FYB1: variants seen among roughly 807,000 people sequenced by gnomAD.
FYB1 encodes the protein FYN-binding protein 1.
In FYB1, 41 loss-of-function variants were observed where a neutral mutation model predicts 94.1. That is an observed-to-expected ratio of 0.44 (90% CI 0.34 to 0.57). FYB1 has a LOEUF of 0.57. FYB1 is among the 20% of genes least tolerant of loss of function. The pLI is 0.02. For synonymous variants in FYB1, 367 were observed against 353.2 expected, an observed-to-expected ratio of 1.04 and a Z score of -0.44; for missense variants, 1,050 against 976.8, an observed-to-expected ratio of 1.07 and a Z score of -1.00.
At chr5:39,210,538 A>G (rs562456514) in intron 1 of FYB1, among the ~76,000 whole-genome samples, 1 of 152,320 alleles carries the variant, frequency 6.6e-6, no homozygotes, top group South Asian at 2.1e-4. Context: ...CATGTGCATC[A>G]GTTGGATTTT....
chr5:39,269,562 C>T (rs1752583508), intron 1 of FYB1: 1 of 152,460 alleles, frequency 6.6e-6, no homozygotes, highest in Admixed American at 6.5e-5. Flanking sequence ...CTCTCTCCCC[C>T]ATGGGAAGAT....
chr5:39,139,219 G>GA lies in FYB1; in HGVS notation c.1359+13dup, dbSNP rs754858618. The GA allele has an allele frequency of 4.1e-6, 6 of 1,455,598 alleles. No homozygotes were observed. The African/African-American group carries it at 7.1e-5, about 17-fold the overall frequency. The allele number at this position is 1,455,598 out of a possible 1,614,324, so 90.2% of individuals were successfully genotyped here. On this transcript the variant is annotated intron_variant, in intron 5 of 18. Coordinates refer to ENST00000512982, the MANE Select transcript of FYB1 (RefSeq NM_001465.6). ...ATTATGTCAATATAATATGAGAAGA[G>GA]AAAAAAATCTGACCTCATCTAGATT...
rs1406423620 is a variant in FYB1 at position 39,105,258 on chromosome 5, A to G, written c.*2185T>C. 1 of 152,144 alleles carries G rather than the reference A, an allele frequency of 6.6e-6. No individual in the cohort carries two copies. Among genetic ancestry groups the G allele is most frequent in the Non-Finnish European group, 1.5e-5 (1 of 68,034 alleles). 9.4% of individuals were successfully genotyped at this position (152,144 alleles called of 1,614,324 possible). Reference sequence around the variant, plus strand: ...AATGAAGTAGGAGGCAAGGTTATCCATTGAAGGTATTATTTATTTGCAGCT... The same window carrying G: ...AATGAAGTAGGAGGCAAGGTTATCCGTTGAAGGTATTATTTATTTGCAGCT... On this transcript the variant is annotated 3_prime_UTR_variant, in exon 19 of 19. Transcript: ENST00000512982.
intron 1 of FYB1, among the ~76,000 whole-genome samples, chr5:39,257,233 A>C (rs569506075): frequency 3.6e-4 from 55 of 152,362 alleles, no homozygotes; most frequent in Non-Finnish European, 6.2e-4. Context: ...AAAACTCTAA[A>C]ATTTTTTATG....
chr5:39,110,304 A>C, intron 17 of FYB1, 52 bp downstream of exon 17: 3 of 1,156,674 alleles, frequency 2.6e-6, no homozygotes, highest in Non-Finnish European at 3.8e-6. Context: ...TTTTAAAAAG[A>C]AAGGCACAAA....
chr5:39,119,510 T>C, intron 15 of FYB1, 25 bp downstream of exon 15: 1 of 1,469,998 alleles, frequency 6.8e-7, no homozygotes, highest in South Asian at 1.3e-5. Context: ...CTTTGTACTT[T>C]GTATAATATT....
intron 2 of FYB1, among the ~76,000 whole-genome samples, chr5:39,160,570 T>G (rs1266950058): frequency 4.6e-5 from 7 of 152,194 alleles, no homozygotes; most frequent in Admixed American, 2.6e-4. Context: ...GAAAGAATGT[T>G]TGTGCTGAAG....
At chr5:39,179,493 C>T (rs1433028778) in intron 2 of FYB1, among the ~76,000 whole-genome samples, 2 of 152,030 alleles carry the variant, frequency 1.3e-5, no homozygotes, top group African/African-American at 4.8e-5. Context: ...CCCACGGATG[C>T]TCTGAGTTAC....
At position 39,138,688 on chromosome 5, in the gene FYB1, G is replaced by A; in HGVS notation, c.1363C>T (p.Gln455Ter). The A allele has an allele frequency of 1.3e-6, 2 of 1,510,122 alleles. No homozygotes were observed. Among genetic ancestry groups the A allele is most frequent in the South Asian group, 2.3e-5 (2 of 85,534 alleles). 93.5% of individuals were successfully genotyped at this position (1,510,122 alleles called of 1,614,324 possible). The change falls in exon 6 of 19, where the codon CAA (glutamine) becomes TAA (stop). Residue 455 changes from glutamine to a stop codon, truncating the protein, a stop_gained. Coordinates refer to ENST00000512982, the MANE Select transcript of FYB1 (RefSeq NM_001465.6). LOFTEE classifies it high-confidence loss of function. ...TCATATGTTTCTCCTTCACTGTCTT[G>A]TTCCTGTAAAGAAAAACATTGATAA... is the stretch of plus-strand genomic sequence containing the variant. ...SDGAGNLDEE[Q>*]DSEGETYEDI...
intron 1 of FYB1, among the ~76,000 whole-genome samples, chr5:39,231,952 C>CT (rs1750762571): frequency 6.6e-6 from 1 of 151,768 alleles, no homozygotes; most frequent in Non-Finnish European, 1.5e-5. Context: ...AGTGAAGAGA[C>CT]TTAAAAAAAA....
At chr5:39,163,246 T>C (rs1473233418) in intron 2 of FYB1, among the ~76,000 whole-genome samples, 1 of 152,208 alleles carries the variant, frequency 6.6e-6, no homozygotes, top group African/African-American at 2.4e-5. Context: ...ACCAATTTAG[T>C]TGAAAACAAA....
chr5:39,124,212 A>G, intron 13 of FYB1, 41 bp downstream of exon 13: 1 of 1,420,834 alleles, frequency 7.0e-7, no homozygotes, highest in Middle Eastern at 1.8e-4. Flanking sequence ...ACACTGCAAG[A>G]AATGAAGATA....
intron 2 of FYB1, among the ~76,000 whole-genome samples, chr5:39,183,330 G>C (rs1474857164): frequency 6.6e-6 from 1 of 152,088 alleles, no homozygotes; most frequent in Non-Finnish European, 1.5e-5. Flanking sequence ...ATCCAGGACT[G>C]GTTGTATGCA....
intron 2 of FYB1, among the ~76,000 whole-genome samples, chr5:39,186,785 C>T (rs142225607): frequency 4.5e-4 from 69 of 151,856 alleles, no homozygotes; most frequent in Middle Eastern, 6.8e-3. Context: ...TAAATTGCTG[C>T]CAATTATTGT....
At chr5:39,217,426 C>T (rs1749951719) in intron 1 of FYB1, among the ~76,000 whole-genome samples, 1 of 152,184 alleles carries the variant, frequency 6.6e-6, no homozygotes, top group East Asian at 1.9e-4. Flanking sequence ...CTGCGCTATG[C>T]TGTCTGACCT....
intron 2 of FYB1, among the ~76,000 whole-genome samples, chr5:39,173,470 C>T (rs1483047343): frequency 6.6e-6 from 1 of 152,058 alleles, no homozygotes; most frequent in Non-Finnish European, 1.5e-5. Flanking sequence ...GTTACTGCTG[C>T]AATTGCTTTT....
chr5:39,226,486 C>T (rs1329922809), intron 1 of FYB1, among the ~76,000 whole-genome samples: 1 of 152,118 alleles, frequency 6.6e-6, no homozygotes, highest in Non-Finnish European at 1.5e-5. Flanking sequence ...TGTGGCATTG[C>T]TTTTGCTTCT....
At chr5:39,255,080 G>A (rs558168240) in intron 1 of FYB1, among the ~76,000 whole-genome samples, 14 of 151,984 alleles carry the variant, frequency 9.2e-5, no homozygotes, top group African/African-American at 2.2e-4. Flanking sequence ...TTATATTTTC[G>A]GAACAATTTA....
intron 2 of FYB1, among the ~76,000 whole-genome samples, chr5:39,193,980 A>G (rs1259664990): frequency 6.6e-6 from 1 of 152,212 alleles, no homozygotes; most frequent in Admixed American, 6.5e-5. Flanking sequence ...CCAGATCAAA[A>G]GAACTAGTGT....
Sources: allele counts gnomAD v4.1 joint callset (sites outside exome capture counted in the v4.1 genomes callset), GRCh38; gene constraint gnomAD v4.1.1; transcripts MANE v1.5; gene names NCBI Gene and HGNC (gene_info 2026-07-23, HGNC 2026-07-21).